The following CACNB4 variants were observed in gnomAD, a reference collection of about 807,000 sequenced individuals.
CACNB4 encodes calcium voltage-gated channel auxiliary subunit beta 4.
A neutral mutation model predicts 71.2 loss-of-function variants in CACNB4; 32 were observed. That is an observed-to-expected ratio of 0.45 (90% CI 0.34 to 0.60). The LOEUF (loss-of-function observed/expected upper bound fraction) is 0.60, where lower values mean the gene tolerates loss of function less well. Ranked by LOEUF, CACNB4 falls within the 20% of genes least tolerant of loss-of-function variation. The pLI is 0.01. For missense variants in CACNB4, 464 were observed against 647.9 expected (o/e 0.72, Z 3.08); for synonymous variants, 231 against 236.9 (o/e 0.97, Z 0.23).
rs932974259 is a variant in CACNB4 at position 151,977,500 on chromosome 2, T to C, written c.148-94130A>G. ...TTAGGGATATTAAGTCCCTTTTCCT[T>C]ACCCGTGCTGGGCTTTATCATAGAG... On this transcript the variant is annotated intron_variant, in intron 2 of 13. Coordinates refer to ENST00000539935, the MANE Select transcript of CACNB4 (RefSeq NM_000726.5). Among the ~76,000 whole-genome samples, 10 of 152,340 alleles carry C rather than the reference T, an allele frequency of 6.6e-5. No individual in the cohort carries two copies. In the South Asian group the frequency reaches 2.1e-3, roughly 32 times the overall value.
chr2:151,855,351 C>A lies in CACNB4; in HGVS notation c.893G>T (p.Arg298Ile). Residue 298 changes from arginine (R) to isoleucine (I), a missense_variant, in exon 11 of 14, where the codon AGA becomes ATA. By Grantham distance (97) the Arg-to-Ile change is moderately conservative. Coordinates refer to ENST00000539935, the MANE Select transcript of CACNB4 (RefSeq NM_000726.5). The stretch of plus-strand genomic sequence containing the variant: ...CAAAGATCTTGCCAACTCAAAGATT[C>A]TTTCAATTTCACTTTGTACTTCCGC... ...SLAEVQSEIE[R>I]IFELARSLQL... 1 of 1,593,754 alleles carries A rather than the reference C, an allele frequency of 6.3e-7. No individual in the cohort carries two copies. Among genetic ancestry groups the A allele is most frequent in the Non-Finnish European group, 8.6e-7 (1 of 1,164,078 alleles).
chr2:151,968,009 A>C (rs1246459027), intron 2 of CACNB4: 1 of 152,258 alleles, frequency 6.6e-6, no homozygotes, highest in Non-Finnish European at 1.5e-5. Flanking sequence ...CACGTGAGCT[A>C]TCTGGGCTAC....
At chr2:152,066,206 C>G (rs546812872) in intron 2 of CACNB4, among the ~76,000 whole-genome samples, 35 of 152,308 alleles carry the variant, frequency 2.3e-4, no homozygotes, top group South Asian at 2.1e-4. Context: ...TCCCTCTCCC[C>G]CTTCCACATA....
Position 151,920,642 on chromosome 2 carries a change from T to TGTA in CACNB4, c.148-37275_148-37273dup, listed in dbSNP as rs562477706. 6.6e-5 allele frequency among the ~76,000 whole-genome samples: 10 copies of TGTA among 152,266 alleles called. No individual in the cohort carries two copies. In the East Asian group the frequency reaches 1.9e-3, roughly 29 times the overall value. On this transcript the variant is annotated intron_variant, in intron 2 of 13. Coordinates refer to ENST00000539935, the MANE Select transcript of CACNB4 (RefSeq NM_000726.5). Reference sequence around the variant, plus strand: ...TATGCCAGGCCCAGTCTAGAGTCTTTGTAGTAACCTCAGCATGTATCAGTC... The same window carrying TGTA: ...TATGCCAGGCCCAGTCTAGAGTCTTTGTAGTAGTAACCTCAGCATGTATCAGTC...
intron 2 of CACNB4, among the ~76,000 whole-genome samples, chr2:152,084,342 A>G (rs1687530897): frequency 6.6e-6 from 1 of 152,160 alleles, no homozygotes. Context: ...AGTGCTGAAA[A>G]ACAGCACCTT....
chr2:151,943,616 T>G (rs2099864811), intron 2 of CACNB4, among the ~76,000 whole-genome samples: 2 of 152,230 alleles, frequency 1.3e-5, no homozygotes, highest in Non-Finnish European at 2.9e-5. Flanking sequence ...CTGACTAATA[T>G]TAATCATGTC....
At chr2:151,847,035 A>G (rs2099837777) in intron 12 of CACNB4, among the ~76,000 whole-genome samples, 1 of 151,856 alleles carries the variant, frequency 6.6e-6, no homozygotes, top group Non-Finnish European at 1.5e-5. Context: ...AAAAAGAAAT[A>G]ATATGGGTGA....
intron 2 of CACNB4, among the ~76,000 whole-genome samples, chr2:152,019,643 A>T (rs2105116301): frequency 6.6e-6 from 1 of 152,346 alleles, no homozygotes; most frequent in South Asian, 2.1e-4. Flanking sequence ...AACAAGAAAG[A>T]TGATATCTCC....
At chr2:152,030,457 GTATT>G (rs921980840) in intron 2 of CACNB4, among the ~76,000 whole-genome samples, 39 of 151,800 alleles carry the variant, frequency 2.6e-4, no homozygotes, top group African/African-American at 7.0e-4. Flanking sequence ...AGAATTTTAT[GTATT>G]TATTTATTTT....
chr2:151,924,323 C>G (rs2099859708), intron 2 of CACNB4, among the ~76,000 whole-genome samples: 1 of 151,418 alleles, frequency 6.6e-6, no homozygotes, highest in African/African-American at 2.4e-5. Flanking sequence ...CGTGATCTGC[C>G]CGCCTCGCCC....
intron 2 of CACNB4, among the ~76,000 whole-genome samples, chr2:152,004,135 G>A (rs73013228): frequency 1.3e-5 from 2 of 152,100 alleles, no homozygotes; most frequent in Non-Finnish European, 2.9e-5. Context: ...GCTCAACTTT[G>A]ACAAATCTTT....
chr2:151,999,979 T>A (rs753947366), intron 2 of CACNB4, among the ~76,000 whole-genome samples: 17 of 152,346 alleles, frequency 1.1e-4, no homozygotes, highest in South Asian at 2.1e-4. Flanking sequence ...TTGACTGAAA[T>A]GGACACATAA....
intron 2 of CACNB4, among the ~76,000 whole-genome samples, chr2:151,924,330 GCCCTC>G (rs1207534212): frequency 6.6e-6 from 1 of 151,146 alleles, no homozygotes; most frequent in African/African-American, 2.4e-5. Flanking sequence ...TGCCCGCCTC[GCCCTC>G]CCAAAGTGTA....
chr2:151,925,904 A>C (rs2099860124), intron 2 of CACNB4, among the ~76,000 whole-genome samples: 1 of 152,226 alleles, frequency 6.6e-6, no homozygotes, highest in Non-Finnish European at 1.5e-5. Flanking sequence ...AGCAACTAGA[A>C]GAATCGACAT....
chr2:151,979,031 GCCT>G (rs763290690), intron 2 of CACNB4, among the ~76,000 whole-genome samples: 1 of 152,050 alleles, frequency 6.6e-6, no homozygotes, highest in East Asian at 1.9e-4. Context: ...TCTCCCACTG[GCCT>G]CCTCAATTGT....
intron 9 of CACNB4, chr2:151,868,093 G>A (rs556234355): frequency 1.3e-5 from 2 of 152,220 alleles, no homozygotes; most frequent in South Asian, 2.1e-4. Context: ...TATCCAGAAA[G>A]CTTTTATTTT....
At chr2:152,044,453 T>G (rs1349467876) in intron 2 of CACNB4, among the ~76,000 whole-genome samples, 1 of 151,990 alleles carries the variant, frequency 6.6e-6, no homozygotes, top group African/African-American at 2.4e-5. Context: ...CTCCTGACCT[T>G]GTGATCCGCC....
chr2:152,002,292 CAT>C (rs932095540), intron 2 of CACNB4, among the ~76,000 whole-genome samples: 1 of 152,200 alleles, frequency 6.6e-6, no homozygotes, highest in Non-Finnish European at 1.5e-5. Context: ...TATACACACA[CAT>C]GTGATGGCAC....
At chr2:152,078,448 A>T (rs1687161679) in intron 2 of CACNB4, among the ~76,000 whole-genome samples, 2 of 152,354 alleles carry the variant, frequency 1.3e-5, no homozygotes, top group East Asian at 3.9e-4. Context: ...CATAGTCTGC[A>T]TAACTGGCTC....
Sources: gnomAD v4.1 joint callset for allele counts (sites outside exome capture counted in the v4.1 genomes callset) on GRCh38, gnomAD v4.1.1 for gene constraint, MANE v1.5 for transcripts, NCBI Gene and HGNC (gene_info 2026-07-23, HGNC 2026-07-21) for gene names.